The following LRRTM4 variants were observed in gnomAD, a reference collection of about 807,000 sequenced individuals.
LRRTM4 encodes leucine-rich repeat transmembrane neuronal protein 4.
LRRTM4 carries 25 observed loss-of-function variants against 47.6 expected under a neutral mutation model. The ratio of observed to expected loss-of-function variants is 0.53; its 90% CI spans 0.38 to 0.73. The LOEUF is 0.73. Ranked by LOEUF, LRRTM4 falls within the 30% of genes least tolerant of loss-of-function variation. The probability of loss-of-function intolerance (pLI) is 0.00; values close to 1 mark genes in which losing one functional copy is unlikely to be tolerated. For synonymous variants in LRRTM4, 311 were observed against 269.5 expected (o/e 1.15, Z -1.51); for missense variants, 638 against 713.4 (o/e 0.89, Z 1.20).
chr2:77,086,254 A>G (rs1436109346), intron 3 of LRRTM4, among the ~76,000 whole-genome samples: 1 of 152,206 alleles, frequency 6.6e-6, no homozygotes, highest in Non-Finnish European at 1.5e-5. Flanking sequence ...AAGAGAAGTG[A>G]GTCAAGGAGG....
chr2:77,340,324 C>T (rs1275085300), intron 3 of LRRTM4, among the ~76,000 whole-genome samples: 1 of 151,654 alleles, frequency 6.6e-6, no homozygotes, highest in African/African-American at 2.4e-5. Flanking sequence ...AAAACAAAAA[C>T]AAAAACACAC....
chr2:76,853,633 GA>G (rs962073336), intron 3 of LRRTM4, among the ~76,000 whole-genome samples: 9 of 150,666 alleles, frequency 6.0e-5, no homozygotes, highest in Non-Finnish European at 8.9e-5. Flanking sequence ...TCTGTGGATA[GA>G]AAAAAAAATG....
intron 3 of LRRTM4, among the ~76,000 whole-genome samples, chr2:77,330,728 C>T (rs1210108878): frequency 1.3e-5 from 2 of 152,040 alleles, no homozygotes; most frequent in East Asian, 1.9e-4. Context: ...GTTGTTTTTG[C>T]TTTTATACTC....
intron 3 of LRRTM4, among the ~76,000 whole-genome samples, chr2:77,488,704 A>G (rs1427398173): frequency 6.6e-6 from 1 of 152,194 alleles, no homozygotes; most frequent in Non-Finnish European, 1.5e-5. Context: ...TCTATGATCT[A>G]GTCAATTGCA....
chr2:77,123,408 C>A (rs1376659637), intron 3 of LRRTM4, among the ~76,000 whole-genome samples: 1 of 152,060 alleles, frequency 6.6e-6, no homozygotes, highest in Non-Finnish European at 1.5e-5. Flanking sequence ...GAAACCCCAA[C>A]TGAACTATGT....
chr2:77,071,938 T>G (rs192931784), intron 3 of LRRTM4, among the ~76,000 whole-genome samples: 2 of 152,178 alleles, frequency 1.3e-5, no homozygotes, highest in East Asian at 3.9e-4. Flanking sequence ...GTGGGTGGTA[T>G]AAAGTATGAG....
intron 3 of LRRTM4, among the ~76,000 whole-genome samples, chr2:77,033,293 A>T (rs1456770143): frequency 6.6e-6 from 1 of 151,742 alleles, no homozygotes; most frequent in Admixed American, 6.6e-5. Context: ...ATTTATATTT[A>T]TGAAGACATT....
intron 3 of LRRTM4, among the ~76,000 whole-genome samples, chr2:76,962,237 A>G (rs914466123): frequency 4.0e-5 from 6 of 151,298 alleles, no homozygotes; most frequent in Non-Finnish European, 7.4e-5. Flanking sequence ...ATTTCTGAGA[A>G]GACAGTTTTG....
At chr2:77,001,109 T>C (rs1212878212) in intron 3 of LRRTM4, among the ~76,000 whole-genome samples, 1 of 152,168 alleles carries the variant, frequency 6.6e-6, no homozygotes, top group Non-Finnish European at 1.5e-5. Context: ...TGCCTTGTTT[T>C]CTGAAGCTTT....
intron 3 of LRRTM4, among the ~76,000 whole-genome samples, chr2:77,493,529 T>G (rs1200930881): frequency 2.0e-5 from 3 of 152,096 alleles, no homozygotes; most frequent in Admixed American, 2.0e-4. Flanking sequence ...ATTCAAAATT[T>G]ATTTATATCA....
chr2:77,320,286 G>A (rs1208127629), intron 3 of LRRTM4, among the ~76,000 whole-genome samples: 1 of 152,164 alleles, frequency 6.6e-6, no homozygotes, highest in Admixed American at 6.5e-5. Flanking sequence ...AATAAAAGTA[G>A]TCTCATATTA....
chr2:76,995,339 A>T (rs1405449252), intron 3 of LRRTM4, among the ~76,000 whole-genome samples: 1 of 152,064 alleles, frequency 6.6e-6, no homozygotes, highest in Non-Finnish European at 1.5e-5. Context: ...ATGCTTGTGA[A>T]TTCTGGTCAA....
chr2:77,019,275 A>T (rs930733223), intron 3 of LRRTM4, among the ~76,000 whole-genome samples: 27 of 150,984 alleles, frequency 1.8e-4, no homozygotes, highest in Admixed American at 1.3e-4. Flanking sequence ...AAAAAAAAAA[A>T]ATATAAGAAG....
At position 76,929,976 on chromosome 2, in the gene LRRTM4, T is replaced by G. The variant is rs540255945; in HGVS notation, c.1552-181060A>C. Among the ~76,000 whole-genome samples the G allele has an allele frequency of 5.9e-5, 9 of 151,778 alleles. No homozygotes were observed. In the East Asian group the frequency reaches 1.4e-3, roughly 23 times the overall value. On this transcript the variant is annotated intron_variant, in intron 3 of 3. Transcript: ENST00000409884. ...GTGTGTGTGTTTTAAATTTAATTTA[T>G]AGAATACTTTCTTAGAGTGAAATCC...
rs547861534 is a variant in LRRTM4 at position 76,859,180 on chromosome 2, G to T, written c.1552-110264C>A. On this transcript the variant is annotated intron_variant, in intron 3 of 3. Transcript: ENST00000409884. ...AAAAGTATCATATTTAACTTAGGAG[G>T]GGGTGAAGGATACTGGTTGAGTGCA... Among the ~76,000 whole-genome samples the T allele has an allele frequency of 9.2e-5, 14 of 152,244 alleles. No individual in the cohort carries two copies. The South Asian group carries it at 2.7e-3, about 29-fold the overall frequency.
At chr2:77,334,637 TG>T (rs1161467628) in intron 3 of LRRTM4, among the ~76,000 whole-genome samples, 1 of 152,206 alleles carries the variant, frequency 6.6e-6, no homozygotes, top group Non-Finnish European at 1.5e-5. Flanking sequence ...AATAAATCTC[TG>T]TTTTTTGGTA....
chr2:77,085,677 C>T (rs938894013), intron 3 of LRRTM4, among the ~76,000 whole-genome samples: 3 of 151,922 alleles, frequency 2.0e-5, no homozygotes, highest in African/African-American at 4.8e-5. Context: ...AAAATGTGTC[C>T]GACTAAACAG....
intron 3 of LRRTM4, among the ~76,000 whole-genome samples, chr2:77,057,215 T>C (rs1252853845): frequency 2.6e-5 from 4 of 152,192 alleles, no homozygotes; most frequent in Admixed American, 2.0e-4. Context: ...TCAATAAAGA[T>C]ATAATGTAAA....
chr2:76,955,807 A>T (rs908654079), intron 3 of LRRTM4, among the ~76,000 whole-genome samples: 2 of 151,734 alleles, frequency 1.3e-5, no homozygotes, highest in African/African-American at 4.8e-5. Context: ...CAGACACTAA[A>T]TTTACCAGTA....
Sources: gnomAD v4.1 joint callset for allele counts (sites outside exome capture counted in the v4.1 genomes callset) on GRCh38, gnomAD v4.1.1 for gene constraint, MANE v1.5 for transcripts, NCBI Gene and HGNC (gene_info 2026-07-23, HGNC 2026-07-21) for gene names.